Variants in THEM5 observed in about 807,000 individuals in gnomAD.
THEM5 encodes thioesterase superfamily member 5, also known as acyl-coenzyme A thioesterase THEM5.
In THEM5, 28 loss-of-function variants were observed where a neutral mutation model predicts 24.2. That is an observed-to-expected ratio of 1.16 (90% CI 0.86 to 1.59). The LOEUF (loss-of-function observed/expected upper bound fraction) is 1.59. THEM5 is among the 40% of genes most tolerant of loss of function. THEM5 has a pLI of 0.00. For missense variants in THEM5, 260 were observed against 296.8 expected (o/e 0.88, Z 0.91); for synonymous variants, 87 against 114.5 (o/e 0.76, Z 1.53).
chr1:151,852,151 C>T, intron 2 of THEM5, 107 bp downstream of exon 2: 1 of 1,129,376 alleles, frequency 8.9e-7, no homozygotes, highest in Non-Finnish European at 1.3e-6. Flanking sequence ...AGTTGGACAG[C>T]AGGAAGAACT....
chr1:151,852,132 C>T, intron 2 of THEM5, 126 bp downstream of exon 2: 1 of 905,898 alleles, frequency 1.1e-6, no homozygotes, highest in South Asian at 1.5e-5. Flanking sequence ...GCTGCAGCAT[C>T]AGGGGTGGAG....
intron 3 of THEM5, among the ~76,000 whole-genome samples, chr1:151,849,903 G>A (rs1653062035): frequency 1.3e-5 from 2 of 152,186 alleles, no homozygotes. Flanking sequence ...ACTGGCCTTA[G>A]TGTTGGATGG....
chr1:151,847,687 G>C lies in THEM5; in HGVS notation c.700+51C>G. ...CTTTTCTTCCTCCTGTTTGTTCTGG[G>C]GGTGGGTGGTGGTGGGACGGGGCCT... On this transcript the variant is annotated intron_variant, in intron 5 of 5. Coordinates refer to ENST00000368817, the MANE Select transcript of THEM5 (RefSeq NM_182578.4). 2.5e-6 allele frequency: 4 copies of C among 1,601,196 alleles called. No individual in the cohort carries two copies. In the South Asian group the frequency reaches 4.4e-5, roughly 18 times the overall value.
At chr1:151,848,138 A>G in intron 4 of THEM5, 44 bp downstream of exon 4, 2 of 1,594,158 alleles carry the variant, frequency 1.3e-6, no homozygotes, top group Non-Finnish European at 1.7e-6. Context: ...CCAGGGATGA[A>G]AAGGTCTGTG....
At chr1:151,847,709 G>A (rs749850204) in intron 5 of THEM5, 29 bp downstream of exon 5, 3 of 1,610,556 alleles carry the variant, frequency 1.9e-6, no homozygotes, top group Non-Finnish European at 2.5e-6. Context: ...GTGGGACGGG[G>A]CCTGGGGCTG....
In THEM5 at chr1:151,851,804, TCATTAGGATC is replaced by T. The variant is rs143393067; in HGVS notation, c.325+444_325+453del. On this transcript the variant is annotated intron_variant, in intron 2 of 5. Transcript: ENST00000368817. ...CACACACAAGAAGGTGGAAGCTCTA[TCATTAGGATC>T]CATTAGGATCATTAGGTGTTTCAGG... Among the ~76,000 whole-genome samples the T allele has an allele frequency of 1.6e-3, 247 of 152,194 alleles. 2 individuals are homozygous for T. The highest frequency in any genetic ancestry group is 5.6e-3 in the African/African-American group (233 of 41,516).
chr1:151,853,529 C>A lies in THEM5; in HGVS notation c.37G>T (p.Gly13Cys), dbSNP rs200511087. ...GCCTCAAGAAGGCCTCTGTGGTGGC[C>A]AAGTCTTGCTGCCACCTGGAAGCAT... ...RRCFQVAARL[G>C]HHRGLLEAPR... The change falls in exon 1 of 6, where the codon GGC (glycine) becomes TGC (cysteine). Residue 13 changes from glycine to cysteine, a missense_variant. Coordinates refer to ENST00000368817, the MANE Select transcript of THEM5 (RefSeq NM_182578.4). The A allele has an allele frequency of 6.2e-7, 1 of 1,613,578 alleles. No homozygotes were observed. The highest frequency in any genetic ancestry group is 1.1e-5 in the South Asian group (1 of 90,978).
intron 2 of THEM5, among the ~76,000 whole-genome samples, chr1:151,851,898 G>T (rs1002750594): frequency 6.6e-6 from 1 of 152,322 alleles, no homozygotes; most frequent in South Asian, 2.1e-4. Flanking sequence ...TGGAAGGGGT[G>T]TGGGGTCCAA....
intron 3 of THEM5, among the ~76,000 whole-genome samples, chr1:151,848,927 T>C (rs868038843): frequency 6.6e-6 from 1 of 152,196 alleles, no homozygotes; most frequent in African/African-American, 2.4e-5. Flanking sequence ...TTATTTAGAA[T>C]GCATAGAATG....
chr1:151,847,668 T>C lies in THEM5; in HGVS notation c.700+70A>G, dbSNP rs372335289. Reference sequence around the variant, plus strand: ...TGGGATGAATCATTGGCATCTTTTCTTCCTCCTGTTTGTTCTGGGGGTGGG... The same window carrying C: ...TGGGATGAATCATTGGCATCTTTTCCTCCTCCTGTTTGTTCTGGGGGTGGG... On this transcript the variant is annotated intron_variant, in intron 5 of 5. Transcript: ENST00000368817. The C allele has an allele frequency of 2.8e-5, 44 of 1,590,050 alleles. No homozygotes were observed. The East Asian group carries it at 8.5e-4, about 31-fold the overall frequency.
rs770292047 is a variant in THEM5, at chr1:151,852,464, G to T, written c.124-5C>A. On this transcript the variant is annotated splice_region_variant and splice_polypyrimidine_tract_variant and intron_variant, in intron 1 of 5. Transcript: ENST00000368817. The stretch of plus-strand genomic sequence containing the variant: ...CTCTGGCAAGAATCTTGAGAACTGG[G>T]CAGGAAAAATCAGAATGACTAGACA... 1 of 1,613,970 alleles carries T rather than the reference G, an allele frequency of 6.2e-7. No individual in the cohort carries two copies. The highest frequency in any genetic ancestry group is 1.1e-5 in the South Asian group (1 of 91,084).
Position 151,852,373 on chromosome 1 carries a change from G to A in THEM5, c.210C>T (p.Tyr70=), listed in dbSNP as rs748205259. The A allele has an allele frequency of 1.6e-5, 26 of 1,614,010 alleles. No homozygotes were observed. In the South Asian group the frequency reaches 2.6e-4, roughly 16 times the overall value. The stretch of plus-strand genomic sequence containing the variant: ...ACTTAGTCTTCTCCAGAAATTCTTG[G>A]TACAGGCTCAGCATGTCCGAACACC... ...ASWCSDMLSL[Y]QEFLEKTKSS... is the part of the protein sequence containing the mutation. The change falls in exon 2 of 6, where the codon TAC becomes TAT. Residue 70 remains tyrosine (Y), a synonymous_variant. Transcript: ENST00000368817.
intron 3 of THEM5, 139 bp downstream of exon 3, chr1:151,850,914 A>G: frequency 9.2e-7 from 1 of 1,089,466 alleles, no homozygotes; most frequent in Non-Finnish European, 1.3e-6. Flanking sequence ...TGGTATTGTG[A>G]GGCTGAAGCC....
Position 151,847,954 on chromosome 1 carries a change from C to T in THEM5, c.576-92G>A, listed in dbSNP as rs1652991510. The T allele has an allele frequency of 1.9e-6, 3 of 1,576,844 alleles. No homozygotes were observed. The East Asian group carries it at 6.7e-5, about 35-fold the overall frequency. ...GTCCTCTTCCCTCTCTTCATCCCTC[C>T]CGGCCTCGAGGACTCAGAAGTGGCC... is the stretch of plus-strand genomic sequence containing the variant. On this transcript the variant is annotated intron_variant, in intron 4 of 5. Transcript: ENST00000368817.
intron 4 of THEM5, 71 bp from the exon 5 acceptor site, chr1:151,847,933 T>C: frequency 6.3e-7 from 1 of 1,599,302 alleles, no homozygotes; most frequent in Non-Finnish European, 8.5e-7. Context: ...CTCTGTGTCC[T>C]CTTCCCTCTC....
In THEM5 at chr1:151,851,044, T is replaced by C; in HGVS notation, c.464+9A>G. ...CAGGAGGCAGCCAAGGTCCTACCAG[T>C]GACCTTACCCTGGGGGCCCCTCCAG... On this transcript the variant is annotated intron_variant, in intron 3 of 5. Coordinates refer to ENST00000368817, the MANE Select transcript of THEM5 (RefSeq NM_182578.4). 6.2e-7 allele frequency: 1 copy of C among 1,613,984 alleles called. No individual in the cohort carries two copies. Among genetic ancestry groups the C allele is most frequent in the Non-Finnish European group, 8.5e-7 (1 of 1,179,948 alleles).
intron 2 of THEM5, among the ~76,000 whole-genome samples, chr1:151,851,731 G>C (rs1307737297): frequency 6.6e-6 from 1 of 152,168 alleles, no homozygotes; most frequent in Non-Finnish European, 1.5e-5. Context: ...ACATATATGA[G>C]TGAGAGAGAC....
intron 3 of THEM5, among the ~76,000 whole-genome samples, chr1:151,849,145 G>A (rs1474053738): frequency 1.3e-5 from 2 of 151,952 alleles, no homozygotes; most frequent in Non-Finnish European, 2.9e-5. Flanking sequence ...ATTGAACCCG[G>A]TGGGTGGAGG....
In THEM5 at chr1:151,853,596, A is replaced by C. The variant is rs199931804; in HGVS notation, c.-31T>G. The C allele has an allele frequency of 5.6e-6, 9 of 1,594,788 alleles. No homozygotes were observed. Among genetic ancestry groups the C allele is most frequent in the African/African-American group, 1.3e-5 (1 of 74,462 alleles). On this transcript the variant is annotated 5_prime_UTR_variant, in exon 1 of 6. Coordinates refer to ENST00000368817, the MANE Select transcript of THEM5 (RefSeq NM_182578.4). ...AGTGCAAGGATCCAGCCCTGCTTGG[A>C]TGGAGGGTCTTGGCTGACTCCCAAG...
Sources: gnomAD v4.1 joint callset for allele counts (sites outside exome capture counted in the v4.1 genomes callset) on GRCh38, gnomAD v4.1.1 for gene constraint, MANE v1.5 for transcripts, NCBI Gene and HGNC (gene_info 2026-07-23, HGNC 2026-07-21) for gene names.